Variants in MICAL2 observed in about 807,000 individuals in gnomAD.
MICAL2 encodes the protein microtubule associated monooxygenase, calponin and LIM domain containing 2.
Under a neutral mutation model 127.3 loss-of-function variants are expected in MICAL2, and 77 were observed. The observed-to-expected ratio is 0.60, with a 90% confidence interval of 0.50 to 0.73. The LOEUF is 0.73. Ranked by LOEUF, MICAL2 falls within the 30% of genes least tolerant of loss-of-function variation. The probability of loss-of-function intolerance (pLI) is 0.00; values close to 1 mark genes in which losing one functional copy is unlikely to be tolerated. For missense variants in MICAL2, 1,351 were observed against 1,434.4 expected (o/e 0.94, Z 0.94); for synonymous variants, 570 against 551.1 (o/e 1.03, Z -0.48).
At chr11:12,339,671 G>T (rs1209047595) in intron 32 of MICAL2, among the ~76,000 whole-genome samples, 1 of 152,170 alleles carries the variant, frequency 6.6e-6, no homozygotes, top group Non-Finnish European at 1.5e-5. Context: ...TAACAGTCAG[G>T]ACCCTCAGCT....
intron 1 of MICAL2, among the ~76,000 whole-genome samples, chr11:12,136,170 C>T (rs570177372): frequency 7.9e-5 from 12 of 152,200 alleles, no homozygotes; most frequent in East Asian, 1.9e-4. Context: ...CCAGAGACCT[C>T]GTGCTTCTTT....
chr11:12,178,507 T>A (rs1258240747), intron 3 of MICAL2, among the ~76,000 whole-genome samples: 1 of 152,086 alleles, frequency 6.6e-6, no homozygotes, highest in Non-Finnish European at 1.5e-5. Flanking sequence ...CATAGGTGGA[T>A]TCAAAGATTT....
At chr11:12,260,449 A>G in intron 26 of MICAL2, 1 of 1,179,536 alleles carries the variant, frequency 8.5e-7, no homozygotes, top group Non-Finnish European at 1.0e-6. Flanking sequence ...TAATTAGCCC[A>G]GAGAAAGCAT....
At position 12,304,476 on chromosome 11, in the gene MICAL2, C is replaced by CA. The variant is rs1245778387; in HGVS notation, c.5212+9628dup. On this transcript the variant is annotated intron_variant, in intron 29 of 34. Transcript: ENST00000646065. ...AGAAATCCCATCTCTACTAAAAATACAAAAAAAAATTAGCCGGGCGTGGTG... is the reference window on the plus strand; with the variant it reads ...AGAAATCCCATCTCTACTAAAAATACAAAAAAAAAATTAGCCGGGCGTGGTG... Among the ~76,000 whole-genome samples the CA allele has an allele frequency of 1.3e-4, 19 of 150,934 alleles. No individual in the cohort carries two copies. The South Asian group carries it at 2.3e-3, about 18-fold the overall frequency.
intron 21 of MICAL2, among the ~76,000 whole-genome samples, chr11:12,247,380 A>G (rs1320418437): frequency 1.3e-5 from 2 of 152,134 alleles, no homozygotes; most frequent in Non-Finnish European, 2.9e-5. Flanking sequence ...CCATTAGATG[A>G]TGTAATTGGG....
chr11:12,319,684 T>G (rs1248626353), intron 29 of MICAL2: 1 of 1,589,298 alleles, frequency 6.3e-7, no homozygotes, highest in Non-Finnish European at 8.6e-7. Context: ...AGTTTTTCTG[T>G]TCCCATTTCA....
chr11:12,114,829 C>T (rs935311995), intron 1 of MICAL2, among the ~76,000 whole-genome samples: 4 of 152,220 alleles, frequency 2.6e-5, no homozygotes, highest in African/African-American at 9.6e-5. Flanking sequence ...TGCTGCTCCC[C>T]CTCACTGTGC....
At position 12,216,295 on chromosome 11, in the gene MICAL2, G is replaced by C. The variant is rs368971485; in HGVS notation, c.924G>C (p.Leu308=). 3.7e-5 allele frequency: 59 copies of C among 1,613,914 alleles called. No individual in the cohort carries two copies. Among genetic ancestry groups the C allele is most frequent in the Admixed American group, 1.3e-4 (8 of 60,002 alleles). Residue 308 remains leucine, a synonymous_variant, in exon 8 of 28, where the codon CTG becomes CTC. Transcript: ENST00000683283. ...YFVMTAKKQS[L]LDKGVIINDY... The stretch of plus-strand genomic sequence containing the variant: ...TAATGACAGCCAAGAAGCAGAGCCT[G>C]CTCGACAAAGGTGTCATCATTAACG...
intron 2 of MICAL2, among the ~76,000 whole-genome samples, chr11:12,155,918 G>A (rs1040023245): frequency 3.3e-5 from 5 of 152,196 alleles, no homozygotes; most frequent in East Asian, 3.8e-4. Context: ...GGGACCTCCC[G>A]GCGCCTGGTA....
chr11:12,115,342 T>G (rs367764935), intron 1 of MICAL2, among the ~76,000 whole-genome samples: 15 of 152,352 alleles, frequency 9.8e-5, no homozygotes, highest in African/African-American at 3.6e-4. Flanking sequence ...CAGATGTCCT[T>G]AGGGGTGCTG....
intron 29 of MICAL2, among the ~76,000 whole-genome samples, chr11:12,302,736 T>C (rs11022283): frequency 0.12 from 18,491 of 152,064 alleles, 1,412 homozygotes; most frequent in Non-Finnish European, 0.17. Flanking sequence ...AATCATAAAG[T>C]ACAGAAGCCT....
chr11:12,258,069 ATGT>A (rs1862570039), intron 24 of MICAL2, among the ~76,000 whole-genome samples: 1 of 152,110 alleles, frequency 6.6e-6, no homozygotes, highest in African/African-American at 2.4e-5. Context: ...TTTTTTTTAA[ATGT>A]TGTCCTATTT....
At chr11:12,347,253 C>T (rs981652527) in intron 32 of MICAL2, among the ~76,000 whole-genome samples, 1 of 152,204 alleles carries the variant, frequency 6.6e-6, no homozygotes, top group African/African-American at 2.4e-5. Context: ...GGAGAATCCT[C>T]CCTCCCCTGT....
chr11:12,188,852 A>G (rs1243483748), intron 3 of MICAL2, among the ~76,000 whole-genome samples: 2 of 152,212 alleles, frequency 1.3e-5, no homozygotes, highest in Non-Finnish European at 2.9e-5. Flanking sequence ...ACCTCCACTC[A>G]GTAGAAATTA....
chr11:12,316,208 A>C (rs899610644), intron 29 of MICAL2, among the ~76,000 whole-genome samples: 5 of 151,990 alleles, frequency 3.3e-5, no homozygotes, highest in African/African-American at 4.8e-5. Context: ...TTGCTTTTTT[A>C]AAATCCAGTC....
chr11:12,336,520 T>A (rs1590743213), intron 32 of MICAL2, among the ~76,000 whole-genome samples: 1 of 152,242 alleles, frequency 6.6e-6, no homozygotes, highest in South Asian at 2.1e-4. Context: ...AGGGCCTCCC[T>A]GTCTTGTGCC....
At chr11:12,145,818 G>T (rs1243203288) in intron 2 of MICAL2, among the ~76,000 whole-genome samples, 2 of 152,178 alleles carry the variant, frequency 1.3e-5, no homozygotes, top group African/African-American at 4.8e-5. Context: ...CTGCCAGTTG[G>T]GTGGACGGCC....
chr11:12,259,327 A>G (rs1459765503), intron 25 of MICAL2, among the ~76,000 whole-genome samples: 1 of 152,260 alleles, frequency 6.6e-6, no homozygotes, highest in Non-Finnish European at 1.5e-5. Context: ...CTAACTGTAT[A>G]TCAAGAATAG....
At chr11:12,176,298 G>T (rs1012262691) in intron 3 of MICAL2, among the ~76,000 whole-genome samples, 4 of 152,110 alleles carry the variant, frequency 2.6e-5, no homozygotes, top group African/African-American at 4.8e-5. Context: ...CTTATTGTGT[G>T]ATCTTGTATC....
Sources: allele counts gnomAD v4.1 joint callset (sites outside exome capture counted in the v4.1 genomes callset), GRCh38; gene constraint gnomAD v4.1.1; transcripts MANE v1.5; gene names NCBI Gene and HGNC (gene_info 2026-07-23, HGNC 2026-07-21).